SCARA5: variants seen among roughly 807,000 people sequenced by gnomAD.
SCARA5 encodes scavenger receptor class A member 5, also known as scavenger receptor class A, member 5 (putative).
A neutral mutation model predicts 46.3 loss-of-function variants in SCARA5; 45 were observed. The observed-to-expected ratio is 0.97, with a 90% CI of 0.76 to 1.24. The LOEUF (loss-of-function observed/expected upper bound fraction) is 1.24. Among genes scored for constraint, SCARA5 ranks in the 50% most tolerant of loss-of-function variants. SCARA5 has a pLI of 0.00. For synonymous variants in SCARA5, 333 were observed against 306.5 expected (o/e 1.09, Z -0.90); for missense variants, 680 against 689.0 (o/e 0.99, Z 0.15).
At chr8:27,957,193 G>A (rs1358255550) in intron 3 of SCARA5, among the ~76,000 whole-genome samples, 1 of 152,200 alleles carries the variant, frequency 6.6e-6, no homozygotes, top group African/African-American at 2.4e-5. Flanking sequence ...TTCTTAGCAA[G>A]GGTTGGGCAC....
At chr8:27,875,495 G>A (rs17058047) in intron 8 of SCARA5, among the ~76,000 whole-genome samples, 9,591 of 152,198 alleles carry the variant, frequency 0.063, 334 homozygotes, top group South Asian at 0.1. Flanking sequence ...AAAGATCATT[G>A]AGCTGCCTTT....
chr8:27,886,930 T>C (rs1336340793), intron 7 of SCARA5, among the ~76,000 whole-genome samples: 1 of 152,130 alleles, frequency 6.6e-6, no homozygotes, highest in African/African-American at 2.4e-5. Flanking sequence ...TTTCCTCAGA[T>C]GCCCCCCAGG....
intron 3 of SCARA5, among the ~76,000 whole-genome samples, chr8:27,959,242 A>G (rs1316527006): frequency 1.3e-5 from 2 of 152,218 alleles, no homozygotes; most frequent in East Asian, 3.9e-4. Context: ...CAAAAAGAAA[A>G]AGAAAAAATA....
chr8:27,990,020 G>C (rs1808765164), intron 1 of SCARA5, among the ~76,000 whole-genome samples: 1 of 152,256 alleles, frequency 6.6e-6, no homozygotes, highest in Non-Finnish European at 1.5e-5. Flanking sequence ...CACAGAGCCA[G>C]ACAGGGCGCT....
At chr8:27,919,680 G>A (rs1807550340) in intron 4 of SCARA5, among the ~76,000 whole-genome samples, 1 of 151,942 alleles carries the variant, frequency 6.6e-6, no homozygotes, top group Non-Finnish European at 1.5e-5. Flanking sequence ...GGATAGGAAA[G>A]CAATGGGAAG....
At chr8:27,943,073 G>A (rs1309082762) in intron 3 of SCARA5, among the ~76,000 whole-genome samples, 2 of 152,160 alleles carry the variant, frequency 1.3e-5, no homozygotes, top group African/African-American at 4.8e-5. Flanking sequence ...CCAGTGGTGG[G>A]AGAGGTGCAG....
chr8:27,984,133 TC>T (rs2129979988), intron 2 of SCARA5, among the ~76,000 whole-genome samples: 1 of 151,996 alleles, frequency 6.6e-6, no homozygotes, highest in East Asian at 1.9e-4. Context: ...CCTTTCCTCT[TC>T]CTCTCCCATT....
chr8:27,884,103 A>C (rs1163960794), intron 7 of SCARA5, among the ~76,000 whole-genome samples: 1 of 152,016 alleles, frequency 6.6e-6, no homozygotes, highest in Non-Finnish European at 1.5e-5. Context: ...AGCGACCCCA[A>C]CCCCAGGAAT....
chr8:27,914,174 T>C (rs149005244), intron 4 of SCARA5, among the ~76,000 whole-genome samples: 89 of 152,324 alleles, frequency 5.8e-4, no homozygotes, highest in African/African-American at 2.1e-3. Flanking sequence ...CCTGCTGCCA[T>C]GTAAGATGTG....
At chr8:27,876,594 A>G (rs1038231977) in intron 8 of SCARA5, among the ~76,000 whole-genome samples, 7 of 152,116 alleles carry the variant, frequency 4.6e-5, no homozygotes, top group African/African-American at 1.7e-4. Context: ...TGCAATTGTG[A>G]CAGCTGCCAT....
intron 3 of SCARA5, among the ~76,000 whole-genome samples, chr8:27,966,087 C>G (rs1011380616): frequency 1.3e-5 from 2 of 152,176 alleles, no homozygotes; most frequent in Admixed American, 6.5e-5. Context: ...CAACGCCCAG[C>G]CTTCTCAGAG....
At chr8:27,939,641 T>C (rs2129866604) in intron 3 of SCARA5, among the ~76,000 whole-genome samples, 1 of 152,182 alleles carries the variant, frequency 6.6e-6, no homozygotes. Flanking sequence ...GAGATACAGA[T>C]GAGATGACTA....
intron 3 of SCARA5, among the ~76,000 whole-genome samples, chr8:27,965,330 C>T (rs1382135190): frequency 2.6e-5 from 4 of 152,244 alleles, no homozygotes; most frequent in Admixed American, 2.6e-4. Context: ...CAGATTCCTG[C>T]CCTGGGCTTC....
At chr8:27,922,632 A>AATGTTGAAAAGCAGTTGCAT (rs1807617600) in intron 3 of SCARA5, among the ~76,000 whole-genome samples, 1 of 152,210 alleles carries the variant, frequency 6.6e-6, no homozygotes, top group South Asian at 2.1e-4. Flanking sequence ...GCCAGTTGCG[A>AATGTTGAAAAGCAGTTGCAT]ATGTTGAAAA....
intron 2 of SCARA5, among the ~76,000 whole-genome samples, chr8:27,969,517 G>A (rs1455110810): frequency 6.6e-6 from 1 of 152,218 alleles, no homozygotes; most frequent in Non-Finnish European, 1.5e-5. Context: ...GGGATGAACA[G>A]GCGGAGCACG....
At chr8:27,912,016 A>G (rs1206888327) in intron 4 of SCARA5, among the ~76,000 whole-genome samples, 1 of 152,184 alleles carries the variant, frequency 6.6e-6, no homozygotes, top group Non-Finnish European at 1.5e-5. Flanking sequence ...GCAGCTGGGA[A>G]GGGCCAAGGA....
At chr8:27,907,317 G>A in intron 5 of SCARA5, 71 bp from the exon 6 acceptor site, 1 of 1,126,536 alleles carries the variant, frequency 8.9e-7, no homozygotes, top group African/African-American at 1.6e-5. Context: ...GTCATCGTCG[G>A]GTTCAAGGCT....
chr8:27,879,825 G>A lies in SCARA5; in HGVS notation c.1154-59C>T, dbSNP rs987626109. 31 of 1,561,456 alleles carry A rather than the reference G, an allele frequency of 2.0e-5. No homozygotes were observed. In the African/African-American group the frequency reaches 4.1e-4, roughly 20 times the overall value. ...TAGATACACCAGGACCCGCCCCCAG[G>A]GGCCTTCTTTGACTCCGCCTACCCC... On this transcript the variant is annotated intron_variant, in intron 7 of 8. Coordinates refer to ENST00000354914, the MANE Select transcript of SCARA5 (RefSeq NM_173833.6).
intron 1 of SCARA5, among the ~76,000 whole-genome samples, chr8:27,989,423 C>A (rs1158747047): frequency 1.3e-5 from 2 of 152,162 alleles, no homozygotes; most frequent in African/African-American, 4.8e-5. Context: ...CCACTGCACC[C>A]AGCTGAAGCC....
Sources: gnomAD v4.1 joint callset for allele counts (sites outside exome capture counted in the v4.1 genomes callset) on GRCh38, gnomAD v4.1.1 for gene constraint, MANE v1.5 for transcripts, NCBI Gene and HGNC (gene_info 2026-07-23, HGNC 2026-07-21) for gene names.